NREP: variants seen among roughly 807,000 people sequenced by gnomAD.
NREP encodes neuronal regeneration-related protein.
A neutral mutation model predicts 8.6 loss-of-function variants in NREP; 5 were observed. That is an observed-to-expected ratio of 0.58 (90% CI 0.30 to 1.22). NREP has a LOEUF of 1.22. NREP is among the 50% of genes most tolerant of loss of function. The pLI, the probability that NREP is intolerant of heterozygous loss-of-function variation, is 0.07. For synonymous variants in NREP, 27 were observed against 28.0 expected (o/e 0.96, Z 0.11); for missense variants, 86 against 82.5 (o/e 1.04, Z -0.17).
At chr5:111,866,658 G>A (rs1168102546) in intron 2 of NREP, among the ~76,000 whole-genome samples, 1 of 152,038 alleles carries the variant, frequency 6.6e-6, no homozygotes. Flanking sequence ...TATACCCAAA[G>A]GATTATAAAT....
At chr5:111,800,700 C>T (rs2112903613) in intron 2 of NREP, among the ~76,000 whole-genome samples, 2 of 152,260 alleles carry the variant, frequency 1.3e-5, no homozygotes, top group Middle Eastern at 3.4e-3. Context: ...CAGAAAATCT[C>T]TCCATAAAGG....
At position 111,892,749 on chromosome 5, in the gene NREP, C is replaced by A. The variant is rs75505668; in HGVS notation, c.135+82525G>T. Among the ~76,000 whole-genome samples, 11 of 152,012 alleles carry A rather than the reference C, an allele frequency of 7.2e-5. No homozygotes were observed. The East Asian group carries it at 2.1e-3, about 29-fold the overall frequency. ...CTTCTGAATGTATTAACAAAACCACCCAGAAAACATGAGGAGAGGCTCTGG... is the reference window on the plus strand; with the variant it reads ...CTTCTGAATGTATTAACAAAACCACACAGAAAACATGAGGAGAGGCTCTGG... On this transcript the variant is annotated intron_variant, in intron 2 of 3. Coordinates refer to the NREP transcript ENST00000395634.
At chr5:111,889,426 G>A (rs867748107) in intron 2 of NREP, among the ~76,000 whole-genome samples, 1 of 152,090 alleles carries the variant, frequency 6.6e-6, no homozygotes, top group African/African-American at 2.4e-5. Flanking sequence ...CCTCACCTCC[G>A]ACATTGGGGA....
At chr5:111,791,532 G>T (rs1561667938) in intron 2 of NREP, among the ~76,000 whole-genome samples, 1 of 152,136 alleles carries the variant, frequency 6.6e-6, no homozygotes, top group African/African-American at 2.4e-5. Flanking sequence ...AGGCTGGAGT[G>T]CAGTGGTGAC....
At chr5:111,843,467 T>G (rs1169057896) in intron 2 of NREP, among the ~76,000 whole-genome samples, 2 of 152,084 alleles carry the variant, frequency 1.3e-5, no homozygotes, top group Non-Finnish European at 2.9e-5. Flanking sequence ...TGTAGTTGTC[T>G]ATATGTGTTC....
intron 2 of NREP, among the ~76,000 whole-genome samples, chr5:111,800,678 T>G (rs1751983563): frequency 6.6e-6 from 1 of 152,158 alleles, no homozygotes; most frequent in Non-Finnish European, 1.5e-5. Context: ...AAAATGAAAT[T>G]TTCTCCCTAT....
At chr5:111,850,940 C>A (rs955584487) in intron 2 of NREP, among the ~76,000 whole-genome samples, 1 of 152,058 alleles carries the variant, frequency 6.6e-6, no homozygotes, top group Non-Finnish European at 1.5e-5. Context: ...AAATTTTTTA[C>A]CACTTGAAGC....
intron 2 of NREP, among the ~76,000 whole-genome samples, chr5:111,886,082 G>T (rs1457649682): frequency 6.6e-5 from 10 of 152,082 alleles, no homozygotes; most frequent in Admixed American, 5.2e-4. Flanking sequence ...ATCTGACAAA[G>T]GGCTAATATC....
At chr5:111,907,256 A>G (rs942723015) in intron 2 of NREP, among the ~76,000 whole-genome samples, 2 of 152,104 alleles carry the variant, frequency 1.3e-5, no homozygotes, top group Middle Eastern at 3.2e-3. Flanking sequence ...TTAAAAACGT[A>G]TCTTCAAACC....
At chr5:111,927,069 C>T (rs1755409429) in intron 2 of NREP, among the ~76,000 whole-genome samples, 1 of 151,918 alleles carries the variant, frequency 6.6e-6, no homozygotes, top group Non-Finnish European at 1.5e-5. Flanking sequence ...TGGGCCAGGC[C>T]CCTCAGTGAA....
At chr5:111,968,096 C>T (rs994524117) in intron 2 of NREP, among the ~76,000 whole-genome samples, 1 of 151,938 alleles carries the variant, frequency 6.6e-6, no homozygotes, top group Admixed American at 6.6e-5. Flanking sequence ...CAAGCAAAAA[C>T]ATTTCAATTA....
chr5:111,777,312 AATGTTT>A (rs918883012), intron 2 of NREP, among the ~76,000 whole-genome samples: 1 of 151,796 alleles, frequency 6.6e-6, no homozygotes, highest in African/African-American at 2.4e-5. Flanking sequence ...TCTCACTGAG[AATGTTT>A]ATGTTTGCTA....
chr5:111,931,744 T>C (rs1373126572), intron 2 of NREP, among the ~76,000 whole-genome samples: 1 of 152,184 alleles, frequency 6.6e-6, no homozygotes, highest in Admixed American at 6.6e-5. Flanking sequence ...GATAAAATGT[T>C]CTAAAAGATT....
intron 2 of NREP, among the ~76,000 whole-genome samples, chr5:111,793,234 A>G (rs2416270): frequency 2.6e-3 from 398 of 152,302 alleles, no homozygotes; most frequent in South Asian, 7.9e-3. Flanking sequence ...ATATAGATAT[A>G]TAAGAGGAGA....
At chr5:111,962,569 C>T (rs1188144241) in intron 2 of NREP, among the ~76,000 whole-genome samples, 1 of 152,168 alleles carries the variant, frequency 6.6e-6, no homozygotes. Context: ...CCCAGCAAAA[C>T]CATATCCCTG....
chr5:111,819,872 C>G (rs1338287442), intron 2 of NREP, among the ~76,000 whole-genome samples: 2 of 152,180 alleles, frequency 1.3e-5, no homozygotes, highest in Admixed American at 1.3e-4. Flanking sequence ...ACACTTGGAA[C>G]AGACAGACAT....
intron 2 of NREP, among the ~76,000 whole-genome samples, chr5:111,966,159 T>C (rs956825678): frequency 1.2e-4 from 19 of 152,232 alleles, no homozygotes; most frequent in Admixed American, 7.9e-4. Flanking sequence ...GAAAAGAAGA[T>C]GATTAAAAAC....
chr5:111,764,708 A>G (rs927199807), intron 2 of NREP, among the ~76,000 whole-genome samples: 1 of 152,130 alleles, frequency 6.6e-6, no homozygotes, highest in Non-Finnish European at 1.5e-5. Flanking sequence ...AAAACATAAT[A>G]ATAAGGAGGT....
At chr5:111,830,017 C>G (rs1056323402) in intron 2 of NREP, among the ~76,000 whole-genome samples, 3 of 152,210 alleles carry the variant, frequency 2.0e-5, no homozygotes, top group Non-Finnish European at 4.4e-5. Flanking sequence ...AGCACTGCCA[C>G]TCAGGAAAAC....
Sources: gnomAD v4.1 joint callset for allele counts (sites outside exome capture counted in the v4.1 genomes callset) on GRCh38, gnomAD v4.1.1 for gene constraint, MANE v1.5 for transcripts, NCBI Gene and HGNC (gene_info 2026-07-23, HGNC 2026-07-21) for gene names.